LCE1E: variants seen among roughly 807,000 people sequenced by gnomAD.
LCE1E encodes late cornified envelope protein 1E.
For missense variants in LCE1E, 144 were observed against 144.3 expected, an observed-to-expected ratio of 1.00 and a Z score of 0.01; for synonymous variants, 61 against 55.0, an observed-to-expected ratio of 1.11 and a Z score of -0.48.
chr1:152,787,588 A>C lies in LCE1E; in HGVS notation c.289A>C (p.Ser97Arg), dbSNP rs901664953. Reference sequence around the variant, plus strand: ...CAGACCCCAGAGCTCTGACTGCTGCAGCCAGCCCTCAGGGGGCTCCAGCTG... The same window carrying C: ...CAGACCCCAGAGCTCTGACTGCTGCCGCCAGCCCTCAGGGGGCTCCAGCTG... ...RHRPQSSDCC[S>R]QPSGGSSCCG... The change falls in exon 2 of 2, where the codon AGC (serine) becomes CGC (arginine). Residue 97 changes from serine (S) to arginine (R), a missense_variant. Ser to Arg is a moderately radical substitution (Grantham distance 110, BLOSUM62 -1). Coordinates refer to ENST00000368770, the MANE Select transcript of LCE1E (RefSeq NM_178353.2). The C allele has an allele frequency of 2.5e-6, 4 of 1,612,068 alleles. No homozygotes were observed. Among genetic ancestry groups the C allele is most frequent in the Non-Finnish European group, 3.4e-6 (4 of 1,179,408 alleles).
chr1:152,787,787 G>A lies in LCE1E; in HGVS notation c.*131G>A. 1 of 1,129,278 alleles carries A rather than the reference G, an allele frequency of 8.9e-7. No homozygotes were observed. Among genetic ancestry groups the A allele is most frequent in the Non-Finnish European group, 1.3e-6 (1 of 796,706 alleles). 70.0% of individuals were successfully genotyped at this position (1,129,278 alleles called of 1,614,324 possible). ...AAACCCAAAATCTTTCTCCTTAATG[G>A]CATTTAGAGACTTTCTTCTGCAGAT... On this transcript the variant is annotated 3_prime_UTR_variant, in exon 2 of 2. Coordinates refer to ENST00000368770, the MANE Select transcript of LCE1E (RefSeq NM_178353.2).
At position 152,787,417 on chromosome 1, in the gene LCE1E, G is replaced by T. The variant is rs1238287865; in HGVS notation, c.118G>T (p.Val40Phe). 1.2e-6 allele frequency: 2 copies of T among 1,613,856 alleles called. No homozygotes were observed. Among genetic ancestry groups the T allele is most frequent in the South Asian group, 1.1e-5 (1 of 91,062 alleles). Residue 40 changes from valine to phenylalanine, a missense_variant, in exon 2 of 2, where the codon GTC becomes TTC. Val to Phe is a conservative substitution (Grantham distance 50). Transcript: ENST00000368770. The part of the protein sequence containing the change: ...PPKCPPKCPP[V>F]SSCCSVSSGG... ...AAAGTGTCCCCCTAAGTGCCCTCCA[G>T]TCTCTTCCTGCTGCAGTGTCAGCTC...
In LCE1E at chr1:152,787,808, C is replaced by A; in HGVS notation, c.*152C>A. The A allele has an allele frequency of 1.1e-6, 1 of 925,190 alleles. No homozygotes were observed. Among genetic ancestry groups the A allele is most frequent in the Non-Finnish European group, 1.6e-6 (1 of 618,750 alleles). 57.3% of individuals were successfully genotyped at this position (925,190 alleles called of 1,614,324 possible). A position where few individuals can be genotyped will look rare whatever the true frequency, so the allele number is the denominator to read the frequency against. On this transcript the variant is annotated 3_prime_UTR_variant, in exon 2 of 2. Coordinates refer to ENST00000368770, the MANE Select transcript of LCE1E (RefSeq NM_178353.2). ...AATGGCATTTAGAGACTTTCTTCTG[C>A]AGATCCATGGCTGCCCTGGGAACTC...
rs1485796841 is a variant in LCE1E at position 152,787,435 on chromosome 1, G to A, written c.136G>A (p.Val46Ile). Residue 46 changes from valine to isoleucine, a missense_variant, in exon 2 of 2, where the codon GTC becomes ATC. By Grantham distance (29) the Val-to-Ile change is conservative. Coordinates refer to ENST00000368770, the MANE Select transcript of LCE1E (RefSeq NM_178353.2). The stretch of plus-strand genomic sequence containing the variant: ...CCCTCCAGTCTCTTCCTGCTGCAGT[G>A]TCAGCTCCGGAGGCTGCTGTGGCTC... ...KCPPVSSCCS[V>I]SSGGCCGSSS... is the part of the protein sequence containing the mutation. 2 of 1,613,924 alleles carry A rather than the reference G, an allele frequency of 1.2e-6. No homozygotes were observed. Among genetic ancestry groups the A allele is most frequent in the African/African-American group, 1.3e-5 (1 of 74,990 alleles).
Position 152,787,272 on chromosome 1 carries a change from C to T in LCE1E, c.-22-6C>T. 6.2e-7 allele frequency: 1 copy of T among 1,612,818 alleles called. No homozygotes were observed. Among genetic ancestry groups the T allele is most frequent in the Non-Finnish European group, 8.5e-7 (1 of 1,178,956 alleles). ...AGGTCTGATTTTCTGTCTGACTCTC[C>T]CTCAGCTCCTAAGTACCTACTGCCG... On this transcript the variant is annotated splice_region_variant and splice_polypyrimidine_tract_variant and intron_variant, in intron 1 of 1. Coordinates refer to ENST00000368770, the MANE Select transcript of LCE1E (RefSeq NM_178353.2).
At position 152,787,604 on chromosome 1, in the gene LCE1E, G is replaced by C; in HGVS notation, c.305G>C (p.Gly102Ala). 1 of 1,605,554 alleles carries C rather than the reference G, an allele frequency of 6.2e-7. No homozygotes were observed. Among genetic ancestry groups the C allele is most frequent in the Non-Finnish European group, 8.5e-7 (1 of 1,176,252 alleles). ...GACTGCTGCAGCCAGCCCTCAGGGGGCTCCAGCTGCTGTGGAGGGGGCAGC... is the reference window on the plus strand; with the variant it reads ...GACTGCTGCAGCCAGCCCTCAGGGGCCTCCAGCTGCTGTGGAGGGGGCAGC... ...SSDCCSQPSGGSSCCGGGSGQ... is the reference protein window; with the variant it reads ...SSDCCSQPSGASSCCGGGSGQ... The change falls in exon 2 of 2, where the codon GGC (glycine) becomes GCC (alanine). Residue 102 changes from glycine to alanine, a missense_variant. Gly to Ala is a moderately conservative substitution (Grantham distance 60, BLOSUM62 0). Coordinates refer to ENST00000368770, the MANE Select transcript of LCE1E (RefSeq NM_178353.2).
intron 1 of LCE1E, 90 bp from the exon 2 acceptor site, chr1:152,787,188 T>A: frequency 8.4e-7 from 1 of 1,186,218 alleles, no homozygotes; most frequent in South Asian, 1.4e-5. Context: ...CTGGACATGA[T>A]GTTTCCATAA....
At chr1:152,786,623 C>T (rs1557834618) in intron 1 of LCE1E, among the ~76,000 whole-genome samples, 1 of 152,148 alleles carries the variant, frequency 6.6e-6, no homozygotes, top group Non-Finnish European at 1.5e-5. Context: ...GGACCAGAGG[C>T]TCCTTTGGGC....
rs138127871 is a variant in LCE1E, at chr1:152,787,439, G to A, written c.140G>A (p.Ser47Asn). 1,282 of 1,614,062 alleles carry A rather than the reference G, an allele frequency of 7.9e-4. 12 individuals are homozygous for A. In the African/African-American group the frequency reaches 0.015, roughly 18 times the overall value. Residue 47 changes from serine (S) to asparagine (N), a missense_variant, in exon 2 of 2, where the codon AGC (serine) becomes AAC (asparagine). Coordinates refer to ENST00000368770, the MANE Select transcript of LCE1E (RefSeq NM_178353.2). ...CCAGTCTCTTCCTGCTGCAGTGTCAGCTCCGGAGGCTGCTGTGGCTCCAGC... is the reference window on the plus strand; with the variant it reads ...CCAGTCTCTTCCTGCTGCAGTGTCAACTCCGGAGGCTGCTGTGGCTCCAGC... The part of the protein sequence containing the change: ...CPPVSSCCSV[S>N]SGGCCGSSSG...
In LCE1E at chr1:152,787,869, G is replaced by A. The variant is rs55789987; in HGVS notation, c.*213G>A. ...ACCTACTTCCTCCCCAGCTCACGCT[G>A]CTGTATTCTGTGCTGCCTGAACTGA... On this transcript the variant is annotated 3_prime_UTR_variant, in exon 2 of 2. Transcript: ENST00000368770. 76 of 627,246 alleles carry A rather than the reference G, an allele frequency of 1.2e-4. No homozygotes were observed. The highest frequency in any genetic ancestry group is 3.4e-4 in the Admixed American group (11 of 32,198). 38.9% of individuals were successfully genotyped at this position (627,246 alleles called of 1,614,324 possible). A position where few individuals can be genotyped will look rare whatever the true frequency, so the allele number is the denominator to read the frequency against.
At chr1:152,786,640 A>C (rs1229165515) in intron 1 of LCE1E, among the ~76,000 whole-genome samples, 1 of 152,134 alleles carries the variant, frequency 6.6e-6, no homozygotes, top group Non-Finnish European at 1.5e-5. Context: ...GGGCTTATGG[A>C]ACCGACACTT....
chr1:152,786,339 T>C (rs76539966), intron 1 of LCE1E, 32 bp downstream of exon 1: 3,340 of 152,442 alleles, frequency 0.022, 69 homozygotes, highest in Non-Finnish European at 0.037. Flanking sequence ...AAGCAGGGGA[T>C]TCCACAGAGG....
rs148840667 is a variant in LCE1E, at chr1:152,787,513, G to A, written c.214G>A (p.Gly72Arg). The A allele has an allele frequency of 4.2e-3, 6,852 of 1,613,930 alleles. 38 individuals are homozygous for A. The highest frequency in any genetic ancestry group is 0.033 in the Middle Eastern group (198 of 5,928). ...CTCTGGGGGCTGCTGCAGCTCTGGG[G>A]GAGGTGGCTGCTGCCTGAGCCACCA... is the stretch of plus-strand genomic sequence containing the variant. ...SSSGGCCSSG[G>R]GGCCLSHHRH... Residue 72 changes from glycine to arginine, a missense_variant, in exon 2 of 2, where the codon GGA becomes AGA. By Grantham distance (125) the Gly-to-Arg change is moderately radical (BLOSUM62 -2). Coordinates refer to ENST00000368770, the MANE Select transcript of LCE1E (RefSeq NM_178353.2).
Position 152,787,359 on chromosome 1 carries a change from C to A in LCE1E, c.60C>A (p.Cys20Ter). 1.2e-6 allele frequency: 2 copies of A among 1,614,018 alleles called. No homozygotes were observed. Among genetic ancestry groups the A allele is most frequent in the Non-Finnish European group, 1.7e-6 (2 of 1,179,990 alleles). ...CCCCTCCCAAGTGCACTCCCAAGTG[C>A]CCTCCCAAGTGTCCCACCCCCAAAT... ...CQPPPKCTPK[C>*]PPKCPTPKCP... The change falls in exon 2 of 2, where the codon TGC (cysteine) becomes TGA (stop). Residue 20 changes from cysteine to a stop codon, truncating the protein, a stop_gained. Coordinates refer to ENST00000368770, the MANE Select transcript of LCE1E (RefSeq NM_178353.2). LOFTEE classifies it high-confidence loss of function.
intron 1 of LCE1E, among the ~76,000 whole-genome samples, chr1:152,786,628 T>C (rs944414383): frequency 6.6e-6 from 1 of 152,124 alleles, no homozygotes; most frequent in African/African-American, 2.4e-5. Flanking sequence ...AGAGGCTCCT[T>C]TGGGCTTATG....
rs1245990265 is a variant in LCE1E at position 152,787,491 on chromosome 1, T to A, written c.192T>A (p.Ser64=). The change falls in exon 2 of 2, where the codon TCT becomes TCA. Residue 64 remains serine, a synonymous_variant. Coordinates refer to ENST00000368770, the MANE Select transcript of LCE1E (RefSeq NM_178353.2). The part of the protein sequence containing the change: ...SSSGGSCGSS[S]GGCCSSGGGG... The stretch of plus-strand genomic sequence containing the variant: ...CTGGGGGCAGCTGTGGCTCCAGCTC[T>A]GGGGGCTGCTGCAGCTCTGGGGGAG... 8.7e-6 allele frequency: 14 copies of A among 1,613,714 alleles called. No homozygotes were observed. Among genetic ancestry groups the A allele is most frequent in the Non-Finnish European group, 1.2e-5 (14 of 1,179,810 alleles).
At position 152,787,743 on chromosome 1, in the gene LCE1E, C is replaced by T. The variant is rs1651893283; in HGVS notation, c.*87C>T. 1 of 1,452,388 alleles carries T rather than the reference C, an allele frequency of 6.9e-7. No individual in the cohort carries two copies. Among genetic ancestry groups the T allele is most frequent in the Non-Finnish European group, 9.3e-7 (1 of 1,080,606 alleles). The allele number at this position is 1,452,388 out of a possible 1,614,324, so 90.0% of individuals were successfully genotyped here. On this transcript the variant is annotated 3_prime_UTR_variant, in exon 2 of 2. Coordinates refer to ENST00000368770, the MANE Select transcript of LCE1E (RefSeq NM_178353.2). ...AGCTTGAAGTCTTGCCTGGAGAATC[C>T]CTCTGCTCTGGTGTCAGGAAACCCA...
chr1:152,787,823 C>T lies in LCE1E; in HGVS notation c.*167C>T, dbSNP rs1483549487. The T allele has an allele frequency of 2.6e-6, 2 of 783,582 alleles. No individual in the cohort carries two copies. Among genetic ancestry groups the T allele is most frequent in the African/African-American group, 3.6e-5 (2 of 55,862 alleles). The allele number at this position is 783,582 out of a possible 1,614,324, so 48.5% of individuals were successfully genotyped here. A position where few individuals can be genotyped will look rare whatever the true frequency, so the allele number is the denominator to read the frequency against. The stretch of plus-strand genomic sequence containing the variant: ...CTTTCTTCTGCAGATCCATGGCTGC[C>T]CTGGGAACTCCAAAGCACACACCTA... On this transcript the variant is annotated 3_prime_UTR_variant, in exon 2 of 2. Transcript: ENST00000368770.
rs1651897664 is a variant in LCE1E at position 152,787,842 on chromosome 1, A to C, written c.*186A>C. ...GGCTGCCCTGGGAACTCCAAAGCAC[A>C]CACCTACTTCCTCCCCAGCTCACGC... On this transcript the variant is annotated 3_prime_UTR_variant, in exon 2 of 2. Transcript: ENST00000368770. 1.6e-5 allele frequency: 11 copies of C among 679,528 alleles called. 1 individual carries two copies. The South Asian group carries it at 2.3e-4, about 14-fold the overall frequency. 42.1% of individuals were successfully genotyped at this position (679,528 alleles called of 1,614,324 possible).
Sources: gnomAD v4.1 joint callset for allele counts (sites outside exome capture counted in the v4.1 genomes callset) on GRCh38, gnomAD v4.1.1 for gene constraint, MANE v1.5 for transcripts, NCBI Gene and HGNC (gene_info 2026-07-23, HGNC 2026-07-21) for gene names.